BTF3: variants seen among roughly 807,000 people sequenced by gnomAD.
BTF3 encodes the protein transcription factor BTF3.
BTF3 carries 12 observed loss-of-function variants against 23.9 expected under a neutral mutation model. The ratio of observed to expected loss-of-function variants is 0.50; its 90% CI spans 0.32 to 0.81. The LOEUF is 0.81. BTF3 is among the 40% of genes least tolerant of loss of function. The pLI is 0.03. For missense variants in BTF3, 215 were observed against 255.9 expected (o/e 0.84, Z 1.09); for synonymous variants, 96 against 94.8 (o/e 1.01, Z -0.07).
At chr5:73,500,393 T>A (rs1164515653) in intron 2 of BTF3, among the ~76,000 whole-genome samples, 1 of 152,196 alleles carries the variant, frequency 6.6e-6, no homozygotes, top group Non-Finnish European at 1.5e-5. Flanking sequence ...ATAATGTGCT[T>A]ATGTGCAGTC....
rs755340655 is a variant in BTF3, at chr5:73,498,675, G to A, written c.8G>A (p.Arg3Gln). Residue 3 changes from arginine to glutamine, a missense_variant, in exon 1 of 6, where the codon CGG becomes CAG. Physicochemically the swap from Arg to Gln is conservative, Grantham distance 43 (BLOSUM62 1). Coordinates refer to ENST00000380591, the MANE Select transcript of BTF3 (RefSeq NM_001037637.2). MR[R>Q]TGAPAQADSR... Reference sequence around the variant, plus strand: ...GAGGAGGAGAGGAAGGCGATGCGACGGACAGGCGCACCCGCTCAGGCTGAC... The same window carrying A: ...GAGGAGGAGAGGAAGGCGATGCGACAGACAGGCGCACCCGCTCAGGCTGAC... 4 of 1,500,170 alleles carry A rather than the reference G, an allele frequency of 2.7e-6. No individual in the cohort carries two copies. The highest frequency in any genetic ancestry group is 3.5e-6 in the Non-Finnish European group (4 of 1,133,442). The allele number at this position is 1,500,170 out of a possible 1,614,324, so 92.9% of individuals were successfully genotyped here. A position where few individuals can be genotyped will look rare whatever the true frequency, so the allele number is the denominator to read the frequency against.
intron 2 of BTF3, among the ~76,000 whole-genome samples, chr5:73,499,871 GTAAT>G (rs1411898826): frequency 1.3e-5 from 2 of 151,836 alleles, no homozygotes; most frequent in Admixed American, 6.5e-5. Flanking sequence ...AGATTGTCCT[GTAAT>G]TAATAAGAAG....
rs768464646 is a variant in BTF3 at position 73,498,644 on chromosome 5, A to T, written c.-24A>T. On this transcript the variant is annotated 5_prime_UTR_variant, in exon 1 of 6. Transcript: ENST00000380591. ...CTGAAGGAGCGAGACAGGGAGGGAC[A>T]GGGCAGAGGAGGAGAGGAAGGCGAT... 2 of 1,485,912 alleles carry T rather than the reference A, an allele frequency of 1.3e-6. No individual in the cohort carries two copies. Among genetic ancestry groups the T allele is most frequent in the Non-Finnish European group, 1.8e-6 (2 of 1,128,140 alleles). The allele number at this position is 1,485,912 out of a possible 1,614,324, so 92.0% of individuals were successfully genotyped here.
chr5:73,501,588 G>A (rs982694329), intron 2 of BTF3, among the ~76,000 whole-genome samples: 116 of 151,954 alleles, frequency 7.6e-4, no homozygotes, highest in African/African-American at 2.6e-3. Flanking sequence ...TAGATGTTCC[G>A]GAAGGAGAGG....
chr5:73,503,349 T>G (rs16870355), intron 4 of BTF3, among the ~76,000 whole-genome samples: 5,177 of 152,288 alleles, frequency 0.034, 304 homozygotes, highest in African/African-American at 0.12. Flanking sequence ...TTACTTGATT[T>G]GGATCAGATA....
At position 73,499,410 on chromosome 5, in the gene BTF3, C is replaced by T. The variant is rs1463627751; in HGVS notation, c.201+208C>T. 3 of 671,204 alleles carry T rather than the reference C, an allele frequency of 4.5e-6. No individual in the cohort carries two copies. The Admixed American group carries it at 6.5e-5, about 15-fold the overall frequency. The allele number at this position is 671,204 out of a possible 1,614,324, so 41.6% of individuals were successfully genotyped here. ...GCTAAAAACATCGCCTTTGTGTAAA[C>T]ATGTTTGTGTTTTCAGTGTTACAGA... On this transcript the variant is annotated intron_variant, in intron 2 of 5. Transcript: ENST00000380591.
chr5:73,502,807 A>C, intron 3 of BTF3, 109 bp from the exon 4 acceptor site: 1 of 1,157,982 alleles, frequency 8.6e-7, no homozygotes, highest in South Asian at 1.5e-5. Context: ...GCAAAATTTC[A>C]CCTGTGCTTC....
intron 4 of BTF3, among the ~76,000 whole-genome samples, 161 bp downstream of exon 4, chr5:73,503,278 T>G (rs1034843388): frequency 6.6e-6 from 1 of 152,356 alleles, no homozygotes; most frequent in South Asian, 2.1e-4. Flanking sequence ...TTGCTCAAGT[T>G]TGCAGTAATT....
In BTF3 at chr5:73,498,765, C is replaced by A; in HGVS notation, c.98C>A (p.Pro33Gln). The A allele has an allele frequency of 6.7e-7, 1 of 1,501,920 alleles. No homozygotes were observed. The highest frequency in any genetic ancestry group is 8.8e-7 in the Non-Finnish European group (1 of 1,135,496). The allele number at this position is 1,501,920 out of a possible 1,614,324, so 93.0% of individuals were successfully genotyped here. A position where few individuals can be genotyped will look rare whatever the true frequency, so the allele number is the denominator to read the frequency against. ...GGCGAGGCGACGCTGTCTCAACCTC[C>A]ACCTCGCGGCGGAACCCGAGGACAG... ...PGGEATLSQP[P>Q]PRGGTRGQEP... Residue 33 changes from proline (P) to glutamine (Q), a missense_variant, in exon 1 of 6, where the codon CCA (proline) becomes CAA (glutamine). This residue lies in a region of BTF3 where 116 missense variants were observed against 84.7 expected (regional missense o/e 1.37). Coordinates refer to ENST00000380591, the MANE Select transcript of BTF3 (RefSeq NM_001037637.2).
intron 2 of BTF3, chr5:73,499,604 G>A (rs1306923080): frequency 6.3e-6 from 2 of 318,126 alleles, no homozygotes; most frequent in East Asian, 1.6e-4. Context: ...ACTGCTTTCT[G>A]AACTAAATAT....
rs1746337457 is a variant in BTF3, at chr5:73,498,591, G to T, written c.-77G>T. 2 of 1,412,514 alleles carry T rather than the reference G, an allele frequency of 1.4e-6. No individual in the cohort carries two copies. The highest frequency in any genetic ancestry group is 1.8e-6 in the Non-Finnish European group (2 of 1,091,414). The allele number at this position is 1,412,514 out of a possible 1,614,324, so 87.5% of individuals were successfully genotyped here. Reference sequence around the variant, plus strand: ...AAGGCTCTGGACGGCGGCGTGGTAGGAGGACGGGAGCGGGGGCGGGAAGTT... The same window carrying T: ...AAGGCTCTGGACGGCGGCGTGGTAGTAGGACGGGAGCGGGGGCGGGAAGTT... On this transcript the variant is annotated 5_prime_UTR_variant, in exon 1 of 6. Coordinates refer to ENST00000380591, the MANE Select transcript of BTF3 (RefSeq NM_001037637.2).
chr5:73,499,454 A>T, intron 2 of BTF3: 1 of 559,260 alleles, frequency 1.8e-6, no homozygotes, highest in South Asian at 1.8e-5. Context: ...AGAACACAAA[A>T]GTGTTTCCTA....
chr5:73,500,156 AT>A (rs764729116), intron 2 of BTF3, among the ~76,000 whole-genome samples: 6 of 151,574 alleles, frequency 4.0e-5, no homozygotes, highest in Non-Finnish European at 7.4e-5. Context: ...ATTTATCCTG[AT>A]TTTTTTTTAC....
chr5:73,504,524 A>T (rs1458744141), intron 5 of BTF3, 121 bp downstream of exon 5: 1 of 668,072 alleles, frequency 1.5e-6, no homozygotes, highest in Non-Finnish European at 2.5e-6. Flanking sequence ...GATCTTACTT[A>T]GAATGAGAAA....
At position 73,498,641 on chromosome 5, in the gene BTF3, G is replaced by T; in HGVS notation, c.-27G>T. 6.8e-7 allele frequency: 1 copy of T among 1,480,426 alleles called. No individual in the cohort carries two copies. Among genetic ancestry groups the T allele is most frequent in the Non-Finnish European group, 8.9e-7 (1 of 1,125,398 alleles). The allele number at this position is 1,480,426 out of a possible 1,614,324, so 91.7% of individuals were successfully genotyped here. On this transcript the variant is annotated 5_prime_UTR_variant, in exon 1 of 6. Transcript: ENST00000380591. ...TCCCTGAAGGAGCGAGACAGGGAGG[G>T]ACAGGGCAGAGGAGGAGAGGAAGGC... is the stretch of plus-strand genomic sequence containing the variant.
intron 2 of BTF3, among the ~76,000 whole-genome samples, chr5:73,500,332 G>C (rs770835789): frequency 6.6e-6 from 1 of 152,100 alleles, no homozygotes; most frequent in Non-Finnish European, 1.5e-5. Flanking sequence ...TCTTATATTG[G>C]TGTTTTTAAC....
Position 73,505,459 on chromosome 5 carries a change from G to T in BTF3, c.*221G>T. On this transcript the variant is annotated 3_prime_UTR_variant, in exon 6 of 6. Transcript: ENST00000380591. ...TAAGCCGAAGAAGCCTGGGAATCAA[G>T]TTTGAAACAAAGATTAATAAAGTTC... 1 of 447,374 alleles carries T rather than the reference G, an allele frequency of 2.2e-6. No individual in the cohort carries two copies. The highest frequency in any genetic ancestry group is 3.9e-6 in the Non-Finnish European group (1 of 255,078). 27.7% of individuals were successfully genotyped at this position (447,374 alleles called of 1,614,324 possible). A position where few individuals can be genotyped will look rare whatever the true frequency, so the allele number is the denominator to read the frequency against.
chr5:73,505,094 T>C, intron 5 of BTF3, 98 bp from the exon 6 acceptor site: 1 of 975,950 alleles, frequency 1.0e-6, no homozygotes, highest in Non-Finnish European at 1.6e-6. Context: ...TTTATCATCA[T>C]TGGCAAATGA....
In BTF3 at chr5:73,498,788, C is replaced by T. The variant is rs1141021; in HGVS notation, c.121C>T (p.Gln41Ter). ...TCCACCTCGCGGCGGAACCCGAGGA[C>T]AGGAGCCTCAGGTACCGCGAGGCTT... ...QPPPRGGTRGQEPQMKETIMN... is the reference protein window; with the variant it reads ...QPPPRGGTRG Residue 41 changes from glutamine (Q) to a stop codon, truncating the protein, a stop_gained, in exon 1 of 6, where the codon CAG (glutamine) becomes TAG (stop). Coordinates refer to ENST00000380591, the MANE Select transcript of BTF3 (RefSeq NM_001037637.2). LOFTEE classifies it high-confidence loss of function. 7 of 1,507,868 alleles carry T rather than the reference C, an allele frequency of 4.6e-6. No individual in the cohort carries two copies. Among genetic ancestry groups the T allele is most frequent in the Non-Finnish European group, 6.2e-6 (7 of 1,137,402 alleles). 93.4% of individuals were successfully genotyped at this position (1,507,868 alleles called of 1,614,324 possible). A position where few individuals can be genotyped will look rare whatever the true frequency, so the allele number is the denominator to read the frequency against.
Sources: gnomAD v4.1 joint callset for allele counts (sites outside exome capture counted in the v4.1 genomes callset) on GRCh38, gnomAD v4.1.1 for gene constraint, gnomAD v4.1.1 regional missense constraint, MANE v1.5 for transcripts, NCBI Gene and HGNC (gene_info 2026-07-23, HGNC 2026-07-21) for gene names.